The following UBE2D2 variants were observed in gnomAD, a reference collection of about 807,000 sequenced individuals.
UBE2D2 encodes ubiquitin-conjugating enzyme E2 D2.
In UBE2D2, 2 loss-of-function variants were observed where a neutral mutation model predicts 24.2. The ratio of observed to expected loss-of-function variants is 0.08; its 90% CI spans 0.03 to 0.26. The LOEUF (loss-of-function observed/expected upper bound fraction) is 0.26. Ranked by LOEUF, UBE2D2 falls within the 10% of genes least tolerant of loss-of-function variation. The pLI, the probability that UBE2D2 is intolerant of heterozygous loss-of-function variation, is 1.00. For missense variants in UBE2D2, 44 were observed against 177.6 expected (o/e 0.25, Z 4.28); for synonymous variants, 58 against 56.5 (o/e 1.03, Z -0.12).
At chr5:139,547,701 T>C (rs2126636285) in intron 1 of UBE2D2, among the ~76,000 whole-genome samples, 1 of 151,686 alleles carries the variant, frequency 6.6e-6, no homozygotes, top group East Asian at 2.0e-4. Context: ...TATTTATTTT[T>C]TTATTTTTTT....
intron 1 of UBE2D2, among the ~76,000 whole-genome samples, chr5:139,596,318 G>GA (rs908525543): frequency 4.0e-5 from 6 of 151,332 alleles, no homozygotes; most frequent in Non-Finnish European, 5.9e-5. Context: ...GTGTGTGACA[G>GA]AGTCTCGCTC....
intron 5 of UBE2D2, among the ~76,000 whole-genome samples, chr5:139,616,293 C>T (rs1754421031): frequency 6.6e-6 from 1 of 151,818 alleles, no homozygotes; most frequent in Non-Finnish European, 1.5e-5. Flanking sequence ...CCACTGCACT[C>T]CAGCCTGGCC....
Position 139,606,064 on chromosome 5 carries a change from GTAAATGTGAC to G in UBE2D2, c.88+5631_88+5640del, listed in dbSNP as rs772099338. Among the ~76,000 whole-genome samples the G allele has an allele frequency of 3.9e-4, 60 of 152,214 alleles. No homozygotes were observed. In the South Asian group the frequency reaches 0.011, roughly 28 times the overall value. On this transcript the variant is annotated intron_variant, in intron 2 of 6. Coordinates refer to ENST00000398733, the MANE Select transcript of UBE2D2 (RefSeq NM_003339.3). Reference sequence around the variant, plus strand: ...AGCTTTCTTTTCTTTTGAACAGTTGGTAAATGTGACTCTCTTGAGATCTGTGCATTCAAGT... The same window carrying G: ...AGCTTTCTTTTCTTTTGAACAGTTGGTCTCTTGAGATCTGTGCATTCAAGT...
intron 1 of UBE2D2, among the ~76,000 whole-genome samples, chr5:139,530,232 C>T (rs190216314): frequency 3.2e-3 from 486 of 152,234 alleles, no homozygotes; most frequent in African/African-American, 0.011. Context: ...CAGGACTGGA[C>T]GGCCCCCACC....
chr5:139,550,979 C>T (rs1412479076), intron 1 of UBE2D2, among the ~76,000 whole-genome samples: 3 of 152,150 alleles, frequency 2.0e-5, no homozygotes, highest in African/African-American at 2.4e-5. Context: ...TTGTACTACA[C>T]GGCTCTCAGC....
intron 1 of UBE2D2, among the ~76,000 whole-genome samples, chr5:139,542,513 G>T (rs1027260489): frequency 6.6e-6 from 1 of 152,070 alleles, no homozygotes; most frequent in East Asian, 1.9e-4. Flanking sequence ...TGGAGATGGG[G>T]TTTTGCCGTG....
At chr5:139,578,578 CAGT>C (rs1753532497) in intron 1 of UBE2D2, among the ~76,000 whole-genome samples, 1 of 151,896 alleles carries the variant, frequency 6.6e-6, no homozygotes, top group South Asian at 2.1e-4. Flanking sequence ...TCAGCCTTTC[CAGT>C]AGCTGGGACA....
At chr5:139,604,949 T>G (rs1027432414) in intron 2 of UBE2D2, among the ~76,000 whole-genome samples, 1 of 152,020 alleles carries the variant, frequency 6.6e-6, no homozygotes, top group Non-Finnish European at 1.5e-5. Context: ...ACATCAAGTA[T>G]GATTGGATAG....
intron 1 of UBE2D2, among the ~76,000 whole-genome samples, chr5:139,585,754 A>T (rs1310496789): frequency 6.6e-6 from 1 of 151,974 alleles, no homozygotes; most frequent in Non-Finnish European, 1.5e-5. Flanking sequence ...GTCATAATTA[A>T]ACATTAAAGG....
intron 1 of UBE2D2, among the ~76,000 whole-genome samples, chr5:139,563,340 A>C (rs1446129879): frequency 6.6e-6 from 1 of 152,234 alleles, no homozygotes; most frequent in Non-Finnish European, 1.5e-5. Flanking sequence ...CAAATGAAGA[A>C]GGGCAGATTT....
intron 5 of UBE2D2, among the ~76,000 whole-genome samples, chr5:139,620,794 T>C (rs910639928): frequency 3.9e-5 from 6 of 152,214 alleles, no homozygotes; most frequent in African/African-American, 1.4e-4. Flanking sequence ...AGAGTTATTA[T>C]CTCTTGGTAC....
chr5:139,568,171 CT>C (rs1247258158), intron 1 of UBE2D2, among the ~76,000 whole-genome samples: 2 of 151,716 alleles, frequency 1.3e-5, no homozygotes, highest in African/African-American at 4.8e-5. Context: ...TGGTGAAACC[CT>C]GTCTCTACTA....
intron 1 of UBE2D2, among the ~76,000 whole-genome samples, chr5:139,599,222 A>C (rs1223287552): frequency 6.6e-6 from 1 of 151,936 alleles, no homozygotes; most frequent in Non-Finnish European, 1.5e-5. Flanking sequence ...AGCATGAGCC[A>C]CTGTGCCCAG....
At chr5:139,532,324 G>A (rs1291120909) in intron 1 of UBE2D2, among the ~76,000 whole-genome samples, 13 of 149,520 alleles carry the variant, frequency 8.7e-5, no homozygotes, top group Non-Finnish European at 1.2e-4. Context: ...GATTACAGGC[G>A]CCTGCAACAA....
At chr5:139,530,340 C>T (rs1752586050) in intron 1 of UBE2D2, among the ~76,000 whole-genome samples, 1 of 152,188 alleles carries the variant, frequency 6.6e-6, no homozygotes, top group Non-Finnish European at 1.5e-5. Context: ...TTTCTTCTTA[C>T]TGCCCATAAA....
chr5:139,627,682 A>G lies in UBE2D2; in HGVS notation c.*881A>G, dbSNP rs1754661428. 1.3e-5 allele frequency: 2 copies of G among 152,790 alleles called. No homozygotes were observed. Among genetic ancestry groups the G allele is most frequent in the South Asian group, 2.1e-4 (1 of 4,830 alleles). 9.5% of individuals were successfully genotyped at this position (152,790 alleles called of 1,614,324 possible). On this transcript the variant is annotated 3_prime_UTR_variant, in exon 7 of 7. Transcript: ENST00000398733. ...GTGTAATAAACTGGTTACTACAGTC[A>G]TTACATATAATTTTGTGTGAATAGG...
chr5:139,537,058 C>T (rs1752692691), intron 1 of UBE2D2, among the ~76,000 whole-genome samples: 1 of 151,894 alleles, frequency 6.6e-6, no homozygotes, highest in Non-Finnish European at 1.5e-5. Context: ...TGGCGGATGC[C>T]TGTAGTCCCA....
intron 1 of UBE2D2, among the ~76,000 whole-genome samples, chr5:139,544,925 C>T (rs888868784): frequency 2.0e-5 from 3 of 151,978 alleles, no homozygotes; most frequent in African/African-American, 7.2e-5. Context: ...TACAGGTGTG[C>T]ATCACCACGC....
intron 1 of UBE2D2, among the ~76,000 whole-genome samples, chr5:139,571,350 T>C (rs1459570299): frequency 1.4e-5 from 2 of 147,698 alleles, no homozygotes; most frequent in African/African-American, 5.0e-5. Context: ...GAGGTTGCAG[T>C]GTGCCGAGGT....
Sources: gnomAD v4.1 joint callset for allele counts (sites outside exome capture counted in the v4.1 genomes callset) on GRCh38, gnomAD v4.1.1 for gene constraint, MANE v1.5 for transcripts, NCBI Gene and HGNC (gene_info 2026-07-23, HGNC 2026-07-21) for gene names.